Variants in NOVA1 observed in about 807,000 individuals in gnomAD.
NOVA1 encodes the protein RNA-binding protein Nova-1.
In NOVA1, 7 loss-of-function variants were observed where a neutral mutation model predicts 38.0. The ratio of observed to expected loss-of-function variants is 0.18; its 90% CI spans 0.10 to 0.35. NOVA1 has a LOEUF of 0.35. NOVA1 is among the 10% of genes least tolerant of loss of function. NOVA1 has a pLI of 1.00. For synonymous variants in NOVA1, 270 were observed against 232.5 expected, an observed-to-expected ratio of 1.16 and a Z score of -1.47; for missense variants, 460 against 616.0, an observed-to-expected ratio of 0.75 and a Z score of 2.68.
At chr14:26,522,165 GA>G (rs1888948141) in intron 2 of NOVA1, among the ~76,000 whole-genome samples, 1 of 152,052 alleles carries the variant, frequency 6.6e-6, no homozygotes, top group African/African-American at 2.4e-5. Context: ...AATTATAATA[GA>G]TTTTTCTCTT....
intron 1 of NOVA1, chr14:26,596,909 T>G: frequency 8.5e-7 from 1 of 1,176,928 alleles, no homozygotes; most frequent in African/African-American, 1.6e-5. Flanking sequence ...TTTATCAGAC[T>G]GTTAAACGCA....
intron 3 of NOVA1, among the ~76,000 whole-genome samples, chr14:26,472,879 T>C (rs1474647588): frequency 6.6e-6 from 1 of 152,096 alleles, no homozygotes; most frequent in Non-Finnish European, 1.5e-5. Flanking sequence ...CACCAACAAG[T>C]TGATTCCACA....
chr14:26,470,480 A>G (rs748491987), intron 4 of NOVA1: 2 of 1,555,664 alleles, frequency 1.3e-6, no homozygotes, highest in South Asian at 2.2e-5. Flanking sequence ...TATCCAGGAG[A>G]TATTATGCTT....
chr14:26,586,531 T>C (rs1893522696), intron 2 of NOVA1, among the ~76,000 whole-genome samples: 1 of 151,264 alleles, frequency 6.6e-6, no homozygotes, highest in Non-Finnish European at 1.5e-5. Context: ...AAAATACATA[T>C]ATTATTAAAA....
At chr14:26,536,841 G>C (rs2138579230) in intron 2 of NOVA1, among the ~76,000 whole-genome samples, 1 of 152,244 alleles carries the variant, frequency 6.6e-6, no homozygotes, top group East Asian at 1.9e-4. Flanking sequence ...CATTCATGGA[G>C]AGGAATGGGC....
chr14:26,521,388 C>A (rs1245621493), intron 2 of NOVA1, among the ~76,000 whole-genome samples: 1 of 151,962 alleles, frequency 6.6e-6, no homozygotes, highest in Non-Finnish European at 1.5e-5. Flanking sequence ...AATTTTAGAT[C>A]GTTTAATTGC....
chr14:26,447,666 T>TA lies in NOVA1; in HGVS notation c.*292dup. ...CATATCCCTGTCTACATTCAATCAT[T>TA]AAACTACAATAATGCTGGTAAAATG... On this transcript the variant is annotated 3_prime_UTR_variant, in exon 5 of 5. Coordinates refer to ENST00000539517, the MANE Select transcript of NOVA1 (RefSeq NM_002515.3). The TA allele has an allele frequency of 2.4e-6, 1 of 409,402 alleles. No individual in the cohort carries two copies. Among genetic ancestry groups the TA allele is most frequent in the Non-Finnish European group, 4.4e-6 (1 of 225,712 alleles). The allele number at this position is 409,402 out of a possible 1,614,324, so 25.4% of individuals were successfully genotyped here. A position where few individuals can be genotyped will look rare whatever the true frequency, so the allele number is the denominator to read the frequency against.
At chr14:26,553,460 G>A (rs944569764) in intron 2 of NOVA1, among the ~76,000 whole-genome samples, 9 of 152,128 alleles carry the variant, frequency 5.9e-5, no homozygotes, top group Admixed American at 1.3e-4. Context: ...AGATTAGTAA[G>A]AAGGGAAGAC....
At chr14:26,539,210 C>A (rs575176301) in intron 2 of NOVA1, among the ~76,000 whole-genome samples, 19 of 152,154 alleles carry the variant, frequency 1.2e-4, no homozygotes, top group African/African-American at 4.6e-4. Flanking sequence ...GTGCCGGGTA[C>A]ACAGTATTAC....
At chr14:26,473,799 C>G (rs1464340920) in intron 3 of NOVA1, among the ~76,000 whole-genome samples, 1 of 151,790 alleles carries the variant, frequency 6.6e-6, no homozygotes, top group African/African-American at 2.4e-5. Flanking sequence ...TGAGTCAAAC[C>G]AAGATTTTTA....
At chr14:26,472,218 G>T in intron 4 of NOVA1, 102 bp downstream of exon 4, 1 of 732,984 alleles carries the variant, frequency 1.4e-6, no homozygotes, top group Non-Finnish European at 2.5e-6. Flanking sequence ...GTGCATATAT[G>T]TGAATGAACG....
At chr14:26,534,869 T>C (rs1458012513) in intron 2 of NOVA1, among the ~76,000 whole-genome samples, 1 of 152,070 alleles carries the variant, frequency 6.6e-6, no homozygotes, top group African/African-American at 2.4e-5. Context: ...GAGTGATTCT[T>C]AAAAGGGGCT....
intron 4 of NOVA1, among the ~76,000 whole-genome samples, chr14:26,465,465 C>T (rs1884037804): frequency 1.3e-5 from 2 of 152,166 alleles, no homozygotes; most frequent in Admixed American, 1.3e-4. Context: ...GCCACTGCAC[C>T]CGGCCCTAAT....
At chr14:26,491,194 T>TG (rs1333956311) in intron 2 of NOVA1, among the ~76,000 whole-genome samples, 9 of 151,792 alleles carry the variant, frequency 5.9e-5, no homozygotes, top group African/African-American at 1.2e-4. Flanking sequence ...TTTTTTGAGA[T>TG]GGGGTCTCGC....
At chr14:26,537,143 T>C (rs1435328627) in intron 2 of NOVA1, among the ~76,000 whole-genome samples, 1 of 151,988 alleles carries the variant, frequency 6.6e-6, no homozygotes, top group Non-Finnish European at 1.5e-5. Flanking sequence ...GAAACAAATA[T>C]ATAATAAAGG....
At chr14:26,553,054 A>G (rs1159050860) in intron 2 of NOVA1, among the ~76,000 whole-genome samples, 1 of 152,180 alleles carries the variant, frequency 6.6e-6, no homozygotes, top group African/African-American at 2.4e-5. Context: ...GACTGAGGGA[A>G]TGATATAACC....
At chr14:26,543,178 T>A (rs1211034165) in intron 2 of NOVA1, among the ~76,000 whole-genome samples, 2 of 151,838 alleles carry the variant, frequency 1.3e-5, no homozygotes, top group African/African-American at 4.8e-5. Flanking sequence ...CTATTAGGTA[T>A]CCATAAAAAT....
intron 3 of NOVA1, among the ~76,000 whole-genome samples, chr14:26,478,861 A>AT (rs985639063): frequency 6.6e-6 from 1 of 151,836 alleles, no homozygotes; most frequent in Non-Finnish European, 1.5e-5. Flanking sequence ...ACATAAAGGG[A>AT]TTTTTTTAAA....
chr14:26,540,160 G>A (rs1186842199), intron 2 of NOVA1, among the ~76,000 whole-genome samples: 4 of 152,128 alleles, frequency 2.6e-5, no homozygotes, highest in African/African-American at 9.7e-5. Context: ...CCCCTTCCCT[G>A]ACCTATTAGG....
Sources: gnomAD v4.1 joint callset for allele counts (sites outside exome capture counted in the v4.1 genomes callset) on GRCh38, gnomAD v4.1.1 for gene constraint, MANE v1.5 for transcripts, NCBI Gene and HGNC (gene_info 2026-07-23, HGNC 2026-07-21) for gene names.